GRIN2A: variants seen among roughly 807,000 people sequenced by gnomAD.
GRIN2A encodes glutamate ionotropic receptor NMDA type subunit 2A.
A neutral mutation model predicts 113.4 loss-of-function variants in GRIN2A; 22 were observed. The ratio of observed to expected loss-of-function variants is 0.19; its 90% CI spans 0.14 to 0.28. GRIN2A has a LOEUF of 0.28. GRIN2A is among the 10% of genes least tolerant of loss of function. GRIN2A has a pLI of 1.00. For missense variants in GRIN2A, 1,502 were observed against 1,887.0 expected, an observed-to-expected ratio of 0.80 and a Z score of 3.78; for synonymous variants, 827 against 738.4, an observed-to-expected ratio of 1.12 and a Z score of -1.94.
At chr16:10,062,561 AT>A (rs2047567305) in intron 2 of GRIN2A, among the ~76,000 whole-genome samples, 1 of 152,212 alleles carries the variant, frequency 6.6e-6, no homozygotes, top group Admixed American at 6.5e-5. Flanking sequence ...TTTGAAAAAC[AT>A]TGGGTTAACA....
chr16:9,848,643 GT>G (rs2042820924), intron 5 of GRIN2A, among the ~76,000 whole-genome samples: 1 of 144,436 alleles, frequency 6.9e-6, no homozygotes, highest in African/African-American at 2.5e-5. Context: ...AACATATGGT[GT>G]TTTATATATT....
rs575867720 is a variant in GRIN2A at position 10,173,433 on chromosome 16, C to A, written c.414+6565G>T. 3.3e-5 allele frequency among the ~76,000 whole-genome samples: 5 copies of A among 152,286 alleles called. No individual in the cohort carries two copies. The South Asian group carries it at 6.2e-4, about 19-fold the overall frequency. On this transcript the variant is annotated intron_variant, in intron 2 of 12. Coordinates refer to ENST00000330684, the MANE Select transcript of GRIN2A (RefSeq NM_001134407.3). ...TGTAACCCCCCAATTTATGCTAATCCTCAGGATGGCTGGTAATTATCTGCC... is the reference window on the plus strand; with the variant it reads ...TGTAACCCCCCAATTTATGCTAATCATCAGGATGGCTGGTAATTATCTGCC...
intron 2 of GRIN2A, among the ~76,000 whole-genome samples, chr16:10,003,350 A>T (rs1346763225): frequency 6.6e-6 from 1 of 152,182 alleles, no homozygotes. Flanking sequence ...ATTCCAGATA[A>T]GATATCTATT....
At chr16:10,040,447 A>G (rs2047140741) in intron 2 of GRIN2A, among the ~76,000 whole-genome samples, 1 of 151,212 alleles carries the variant, frequency 6.6e-6, no homozygotes. Flanking sequence ...GAACACAGTC[A>G]CAAATATAAA....
chr16:9,802,765 A>T (rs1298544155), intron 10 of GRIN2A, among the ~76,000 whole-genome samples: 1 of 152,204 alleles, frequency 6.6e-6, no homozygotes, highest in Non-Finnish European at 1.5e-5. Context: ...GACACCATCT[A>T]CTATGGATAT....
intron 4 of GRIN2A, among the ~76,000 whole-genome samples, chr16:9,856,158 G>A (rs986353668): frequency 3.3e-5 from 5 of 152,178 alleles, no homozygotes; most frequent in African/African-American, 1.2e-4. Context: ...CTCATTGCAT[G>A]ATGAGGAAAC....
At chr16:9,834,537 A>C (rs1248956628) in intron 7 of GRIN2A, among the ~76,000 whole-genome samples, 1 of 152,098 alleles carries the variant, frequency 6.6e-6, no homozygotes, top group Non-Finnish European at 1.5e-5. Context: ...ATGTGCCACC[A>C]TGCCTGGCTA....
Position 9,763,812 on chromosome 16 carries a change from G to A in GRIN2A, c.3732C>T (p.Asn1244=), listed in dbSNP as rs2141129808. 1 of 1,614,140 alleles carries A rather than the reference G, an allele frequency of 6.2e-7. No homozygotes were observed. Among genetic ancestry groups the A allele is most frequent in the Non-Finnish European group, 8.5e-7 (1 of 1,180,020 alleles). ...TCTGGTCTTCATCGATGTCATAGAGGTTCCCCATCCGCAGGCAGGCATCGC... is the reference window on the plus strand; with the variant it reads ...TCTGGTCTTCATCGATGTCATAGAGATTCCCCATCCGCAGGCAGGCATCGC... ...FKCDACLRMG[N]LYDIDEDQML... Residue 1244 remains asparagine, a synonymous_variant, in exon 13 of 13, where the codon AAC becomes AAT. Transcript: ENST00000330684.
intron 2 of GRIN2A, among the ~76,000 whole-genome samples, chr16:10,058,176 A>T (rs1452464131): frequency 2.0e-5 from 3 of 151,894 alleles, no homozygotes; most frequent in Non-Finnish European, 2.9e-5. Context: ...AATTGCTTGA[A>T]CCCGGGAGGC....
chr16:10,172,636 G>A (rs926955848), intron 2 of GRIN2A, among the ~76,000 whole-genome samples: 11 of 152,238 alleles, frequency 7.2e-5, no homozygotes, highest in Non-Finnish European at 1.5e-4. Flanking sequence ...TGGGGGATGA[G>A]ATTCATCTCC....
chr16:9,832,941 G>A (rs999299294), intron 8 of GRIN2A, among the ~76,000 whole-genome samples: 20 of 152,308 alleles, frequency 1.3e-4, no homozygotes, highest in African/African-American at 3.8e-4. Flanking sequence ...CCCATGACCT[G>A]TTGAGTATTT....
chr16:10,045,754 G>A (rs1322646961), intron 2 of GRIN2A, among the ~76,000 whole-genome samples: 1 of 152,214 alleles, frequency 6.6e-6, no homozygotes, highest in Non-Finnish European at 1.5e-5. Flanking sequence ...ATCTTGGGGT[G>A]CCCCACCCAA....
At chr16:10,130,858 A>AT (rs1263261118) in intron 2 of GRIN2A, among the ~76,000 whole-genome samples, 1 of 152,230 alleles carries the variant, frequency 6.6e-6, no homozygotes, top group South Asian at 2.1e-4. Context: ...GTGCTAACAT[A>AT]TAATCCATAG....
intron 2 of GRIN2A, among the ~76,000 whole-genome samples, chr16:10,009,838 G>C (rs1188769326): frequency 5.3e-5 from 8 of 152,192 alleles, no homozygotes; most frequent in Non-Finnish European, 8.8e-5. Flanking sequence ...AGTCCAGGCA[G>C]CTAAGTCACA....
chr16:10,032,211 G>C (rs1413720979), intron 2 of GRIN2A, among the ~76,000 whole-genome samples: 1 of 152,220 alleles, frequency 6.6e-6, no homozygotes, highest in Non-Finnish European at 1.5e-5. Flanking sequence ...TAACTAAAGA[G>C]CTGTGACCTT....
At chr16:10,164,651 T>C (rs943267578) in intron 2 of GRIN2A, among the ~76,000 whole-genome samples, 2 of 152,226 alleles carry the variant, frequency 1.3e-5, no homozygotes, top group Non-Finnish European at 2.9e-5. Flanking sequence ...TGAATAATCA[T>C]AGAACTCCCC....
intron 2 of GRIN2A, among the ~76,000 whole-genome samples, chr16:10,062,974 T>C (rs113260115): frequency 0.03 from 4,565 of 152,174 alleles, 250 homozygotes; most frequent in African/African-American, 0.11. Flanking sequence ...GGAATCAACC[T>C]AGGTGCCCAT....
intron 2 of GRIN2A, among the ~76,000 whole-genome samples, chr16:10,039,783 AGG>A (rs1567253786): frequency 1.4e-4 from 1 of 6,972 alleles, no homozygotes; most frequent in East Asian, 0.019. Flanking sequence ...AGGGAGGGGG[AGG>A]GGGAGGGGGA....
chr16:10,010,646 A>G (rs1263241681), intron 2 of GRIN2A, among the ~76,000 whole-genome samples: 2 of 152,178 alleles, frequency 1.3e-5, no homozygotes, highest in Non-Finnish European at 2.9e-5. Context: ...TTGCACTGTG[A>G]ATACTATGGA....
Sources: gnomAD v4.1 joint callset for allele counts (sites outside exome capture counted in the v4.1 genomes callset) on GRCh38, gnomAD v4.1.1 for gene constraint, MANE v1.5 for transcripts, NCBI Gene and HGNC (gene_info 2026-07-23, HGNC 2026-07-21) for gene names.